The following STARD13 variants were observed in gnomAD, a reference collection of about 807,000 sequenced individuals.
STARD13 encodes stAR-related lipid transfer protein 13.
In STARD13, 62 loss-of-function variants were observed where a neutral mutation model predicts 106.4. The observed-to-expected ratio is 0.58, with a 90% CI of 0.48 to 0.72. The LOEUF is 0.72. Among genes scored for constraint, STARD13 ranks in the 30% least tolerant of loss-of-function variants. STARD13 has a pLI of 0.00. For synonymous variants in STARD13, 565 were observed against 553.0 expected (o/e 1.02, Z -0.31); for missense variants, 1,387 against 1,424.0 (o/e 0.97, Z 0.42).
At chr13:33,416,491 ATGTAGTC>A in the STARD13 span, among the ~76,000 whole-genome samples, 3 of 152,220 alleles carry the variant, frequency 2.0e-5, no homozygotes, top group African/African-American at 7.2e-5. Flanking sequence ...GTTGGTGAGG[ATGTAGTC>A]TGTAGTTTCT....
At chr13:33,484,285 G>C in the STARD13 span, among the ~76,000 whole-genome samples, 1 of 152,114 alleles carries the variant, frequency 6.6e-6, no homozygotes, top group Non-Finnish European at 1.5e-5. Context: ...TATGAAAGGG[G>C]CCTGAATTCT....
intron 1 of STARD13, chr13:33,205,772 G>A: frequency 1.2e-6 from 1 of 841,472 alleles, no homozygotes; most frequent in Non-Finnish European, 1.4e-6. Context: ...AGTAACTGTT[G>A]TCTTTCCCAC....
At chr13:33,248,355 A>T (rs977631087) in intron 1 of STARD13, among the ~76,000 whole-genome samples, 2 of 152,254 alleles carry the variant, frequency 1.3e-5, no homozygotes, top group African/African-American at 2.4e-5. Context: ...AAAGAAGAAG[A>T]TAAAAAAGGA....
At chr13:33,379,590 T>A in the STARD13 span, among the ~76,000 whole-genome samples, 1 of 152,244 alleles carries the variant, frequency 6.6e-6, no homozygotes, top group South Asian at 2.1e-4. Context: ...AAAGACACTT[T>A]GTATAATTAA....
At chr13:33,558,671 T>A in the STARD13 span, among the ~76,000 whole-genome samples, 2 of 146,998 alleles carry the variant, frequency 1.4e-5, no homozygotes, top group African/African-American at 5.5e-5. Context: ...AGCTAATGTT[T>A]CACTGATTCT....
At chr13:33,670,499 G>A in the STARD13 span, among the ~76,000 whole-genome samples, 5 of 152,128 alleles carry the variant, frequency 3.3e-5, no homozygotes, top group Non-Finnish European at 7.4e-5. Context: ...GTGCACTTAT[G>A]ATTATGAACC....
chr13:33,531,159 G>T, the STARD13 span, among the ~76,000 whole-genome samples: 20,357 of 152,142 alleles, frequency 0.13, 1,530 homozygotes, highest in African/African-American at 0.2. Flanking sequence ...CTTCTCGTCT[G>T]CCATGTGAGA....
the STARD13 span, among the ~76,000 whole-genome samples, chr13:33,490,762 C>T: frequency 6.6e-6 from 1 of 152,210 alleles, no homozygotes; most frequent in Admixed American, 6.5e-5. Flanking sequence ...AGGAAGCTGT[C>T]ACACTGGCCC....
chr13:33,167,086 A>G (rs1382204626), intron 2 of STARD13, among the ~76,000 whole-genome samples: 2 of 152,162 alleles, frequency 1.3e-5, no homozygotes, highest in African/African-American at 4.8e-5. Flanking sequence ...GAAGAATAAC[A>G]TCTGATTCAT....
chr13:33,499,607 C>T, the STARD13 span, among the ~76,000 whole-genome samples: 34 of 59,700 alleles, frequency 5.7e-4, no homozygotes, highest in East Asian at 1.0e-3. Flanking sequence ...CTTCTTCTTT[C>T]TTCTTCTTCT....
intron 6 of STARD13, 50 bp from the exon 7 acceptor site, chr13:33,126,290 G>T: frequency 6.3e-7 from 1 of 1,588,066 alleles, no homozygotes; most frequent in Non-Finnish European, 8.6e-7. Context: ...TCACACTGTG[G>T]GGTGAGGCTC....
the STARD13 span, among the ~76,000 whole-genome samples, chr13:33,499,160 A>G: frequency 6.6e-6 from 1 of 152,098 alleles, no homozygotes; most frequent in Admixed American, 6.6e-5. Context: ...AACAAACAAA[A>G]ACAAAAACAA....
chr13:33,259,511 TC>T (rs748088923), intron 1 of STARD13, among the ~76,000 whole-genome samples: 15 of 152,134 alleles, frequency 9.9e-5, no homozygotes, highest in Non-Finnish European at 1.3e-4. Flanking sequence ...AGAGGATGCT[TC>T]CTTTCTTTTG....
the STARD13 span, among the ~76,000 whole-genome samples, chr13:33,449,728 T>C: frequency 6.6e-6 from 1 of 152,174 alleles, no homozygotes; most frequent in Non-Finnish European, 1.5e-5. Context: ...TTATTGCAAT[T>C]CATGAACACA....
chr13:33,215,020 C>G (rs1453870029), intron 1 of STARD13, among the ~76,000 whole-genome samples: 1 of 149,746 alleles, frequency 6.7e-6, no homozygotes, highest in African/African-American at 2.5e-5. Flanking sequence ...GACACATAGA[C>G]TGTTGCTCCT....
At chr13:33,235,684 C>A (rs1889152298) in intron 1 of STARD13, among the ~76,000 whole-genome samples, 1 of 152,148 alleles carries the variant, frequency 6.6e-6, no homozygotes, top group Non-Finnish European at 1.5e-5. Context: ...CTTGAGGACA[C>A]CAGGAGCCAA....
At chr13:33,465,796 C>A in the STARD13 span, among the ~76,000 whole-genome samples, 3 of 152,078 alleles carry the variant, frequency 2.0e-5, no homozygotes, top group African/African-American at 7.2e-5. Flanking sequence ...AGGAAATATA[C>A]CAGTCCATGT....
At chr13:33,553,968 T>A in the STARD13 span, among the ~76,000 whole-genome samples, 3 of 152,294 alleles carry the variant, frequency 2.0e-5, no homozygotes, top group East Asian at 1.9e-4. Flanking sequence ...GCAAATTTTT[T>A]AAAAGATTTC....
chr13:33,141,821 C>T (rs1035309305), intron 4 of STARD13, among the ~76,000 whole-genome samples: 1 of 152,168 alleles, frequency 6.6e-6, no homozygotes, highest in Non-Finnish European at 1.5e-5. Flanking sequence ...ACATTTACAA[C>T]GGACACTTCT....
Sources: allele counts gnomAD v4.1 joint callset (sites outside exome capture counted in the v4.1 genomes callset), GRCh38; gene constraint gnomAD v4.1.1; transcripts MANE v1.5; gene names NCBI Gene and HGNC (gene_info 2026-07-23, HGNC 2026-07-21).